The following MUSK variants were observed in gnomAD, a reference collection of about 807,000 sequenced individuals.
The protein encoded by MUSK is muscle associated receptor tyrosine kinase.
MUSK carries 55 observed loss-of-function variants against 88.7 expected under a neutral mutation model. That is an observed-to-expected ratio of 0.62 (90% CI 0.50 to 0.78). The LOEUF (loss-of-function observed/expected upper bound fraction) is 0.78. Ranked by LOEUF, MUSK falls within the 30% of genes least tolerant of loss-of-function variation. The probability of loss-of-function intolerance (pLI) is 0.00; values close to 1 mark genes in which losing one functional copy is unlikely to be tolerated. For missense variants in MUSK, 1,015 were observed against 1,074.3 expected, an observed-to-expected ratio of 0.94 and a Z score of 0.77; for synonymous variants, 387 against 391.9, an observed-to-expected ratio of 0.99 and a Z score of 0.15.
At chr9:110,765,320 G>A (rs1445084532) in intron 8 of MUSK, among the ~76,000 whole-genome samples, 1 of 152,072 alleles carries the variant, frequency 6.6e-6, no homozygotes, top group Non-Finnish European at 1.5e-5. Context: ...CCTTTATGCC[G>A]AGATATTACG....
rs765478098 is a variant in MUSK, at chr9:110,728,671, C to A, written c.629-5580C>A. The A allele has an allele frequency of 3.2e-6, 5 of 1,543,460 alleles. No homozygotes were observed. The South Asian group carries it at 5.6e-5, about 17-fold the overall frequency. The stretch of plus-strand genomic sequence containing the variant: ...TGTTTATTGTGTGTGTTTGTTTTGT[C>A]TTGTTTTTATTAACAGAAGAAAGTG... On this transcript the variant is annotated intron_variant, in intron 5 of 14. Coordinates refer to ENST00000374448, the MANE Select transcript of MUSK (RefSeq NM_005592.4).
intron 1 of MUSK, among the ~76,000 whole-genome samples, chr9:110,676,017 C>G (rs372763439): frequency 6.6e-6 from 1 of 151,892 alleles, no homozygotes; most frequent in East Asian, 1.9e-4. Context: ...TTCATTCATT[C>G]GTTGTTTAGA....
rs144650601 is a variant in MUSK at position 110,687,908 on chromosome 9, C to T, written c.358+640C>T. Among the ~76,000 whole-genome samples, 627 of 152,206 alleles carry T rather than the reference C, an allele frequency of 4.1e-3. 6 individuals are homozygous for T. Among genetic ancestry groups the T allele is most frequent in the African/African-American group, 0.014 (600 of 41,526 alleles). On this transcript the variant is annotated intron_variant, in intron 3 of 14. Transcript: ENST00000374448. The stretch of plus-strand genomic sequence containing the variant: ...TTTACCCTACACCTGTGAAACACAA[C>T]CAAACACACTTTTTATTTCTAACCT...
intron 1 of MUSK, among the ~76,000 whole-genome samples, chr9:110,675,917 C>T (rs1240331738): frequency 6.6e-6 from 1 of 152,008 alleles, no homozygotes; most frequent in Admixed American, 6.6e-5. Flanking sequence ...CCTTTGGGCT[C>T]ATTGTTAACC....
intron 6 of MUSK, among the ~76,000 whole-genome samples, chr9:110,741,719 ATCTG>A (rs1201186494): frequency 6.6e-6 from 1 of 152,160 alleles, no homozygotes; most frequent in Non-Finnish European, 1.5e-5. Context: ...GTTTCATTTT[ATCTG>A]TCTATCCTAC....
intron 5 of MUSK, among the ~76,000 whole-genome samples, chr9:110,724,809 G>C (rs2076861798): frequency 6.6e-6 from 1 of 151,686 alleles, no homozygotes; most frequent in African/African-American, 2.4e-5. Flanking sequence ...ACACCAACTT[G>C]AGTAGTACTC....
At chr9:110,687,613 G>A (rs1184210157) in intron 3 of MUSK, among the ~76,000 whole-genome samples, 1 of 152,102 alleles carries the variant, frequency 6.6e-6, no homozygotes, top group Non-Finnish European at 1.5e-5. Context: ...GGAATTACAG[G>A]CGTGAGCCAC....
At chr9:110,690,430 ATTT>A (rs1169416508) in intron 3 of MUSK, among the ~76,000 whole-genome samples, 44 of 107,636 alleles carry the variant, frequency 4.1e-4, no homozygotes, top group African/African-American at 1.7e-3. Flanking sequence ...ATAAATATAT[ATTT>A]CAATATAAGT....
intron 4 of MUSK, 34 bp downstream of exon 4, chr9:110,695,564 A>G: frequency 7.5e-6 from 11 of 1,469,930 alleles, no homozygotes; most frequent in Non-Finnish European, 8.3e-6. Context: ...ACATATATAA[A>G]ATGTATTTTA....
intron 5 of MUSK, among the ~76,000 whole-genome samples, chr9:110,718,475 G>T (rs1587949099): frequency 6.6e-6 from 1 of 151,838 alleles, no homozygotes; most frequent in African/African-American, 2.4e-5. Flanking sequence ...ACAAGCAGAA[G>T]AAAGAACTTC....
intron 1 of MUSK, among the ~76,000 whole-genome samples, chr9:110,676,118 TTCTA>T (rs1308646959): frequency 9.2e-5 from 14 of 151,968 alleles, no homozygotes; most frequent in Non-Finnish European, 2.1e-4. Context: ...TTCTTTGGCA[TTCTA>T]TCTGCTACAA....
intron 3 of MUSK, among the ~76,000 whole-genome samples, chr9:110,689,938 A>ATATATATTTAAATATAATATATAAT (rs1564218610): frequency 1.1e-5 from 1 of 93,532 alleles, no homozygotes; most frequent in Non-Finnish European, 1.8e-5. Context: ...TAATATATAA[A>ATATATATTTAAATATAATATATAAT]TATATATTTA....
chr9:110,746,793 T>C (rs1248555254), intron 6 of MUSK, among the ~76,000 whole-genome samples: 3 of 152,340 alleles, frequency 2.0e-5, no homozygotes, highest in Admixed American at 6.5e-5. Flanking sequence ...ATGTTTTCGG[T>C]GACCTTGAGG....
At position 110,800,647 on chromosome 9, in the gene MUSK, A is replaced by G. The variant is rs2078078950; in HGVS notation, c.2269A>G (p.Lys757Glu). ...GAACATCTACTCAGCAGACTACTACAAAGCTAATGAAAACGACGCTATCCC... is the reference window on the plus strand; with the variant it reads ...GAACATCTACTCAGCAGACTACTACGAAGCTAATGAAAACGACGCTATCCC... ...SRNIYSADYY[K>E]ANENDAIPIR... Residue 757 changes from lysine (K) to glutamate (E), a missense_variant, in exon 15 of 15, where the codon AAA becomes GAA. Coordinates refer to ENST00000374448, the MANE Select transcript of MUSK (RefSeq NM_005592.4). The G allele has an allele frequency of 6.2e-7, 1 of 1,613,686 alleles. No homozygotes were observed. Among genetic ancestry groups the G allele is most frequent in the South Asian group, 1.1e-5 (1 of 91,090 alleles).
Position 110,800,472 on chromosome 9 carries a change from C to A in MUSK, c.2094C>A (p.Ser698=). 6.2e-7 allele frequency: 1 copy of A among 1,613,984 alleles called. No homozygotes were observed. Among genetic ancestry groups the A allele is most frequent in the Non-Finnish European group, 8.5e-7 (1 of 1,179,886 alleles). The stretch of plus-strand genomic sequence containing the variant: ...CCAGCCCTGGGCCCCCACCCCTCTC[C>A]TGTGCTGAGCAGCTTTGCATTGCCA... ...QVSSPGPPPL[S]CAEQLCIARQ... is the part of the protein sequence containing the mutation. Residue 698 remains serine, a synonymous_variant, in exon 15 of 15, where the codon TCC becomes TCA. Transcript: ENST00000374448.
chr9:110,681,062 TA>T (rs2076114930), intron 1 of MUSK, among the ~76,000 whole-genome samples: 1 of 16,982 alleles, frequency 5.9e-5, no homozygotes, highest in African/African-American at 3.8e-4. Context: ...ATATATTATA[TA>T]TATAATATTA....
intron 1 of MUSK, among the ~76,000 whole-genome samples, chr9:110,679,078 CATTGTTTT>C (rs1408977274): frequency 1.3e-5 from 2 of 151,846 alleles, no homozygotes; most frequent in Non-Finnish European, 2.9e-5. Flanking sequence ...GTAATTGTTT[CATTGTTTT>C]ATAAATGTAC....
At chr9:110,757,731 A>T (rs2077345238) in intron 7 of MUSK, among the ~76,000 whole-genome samples, 1 of 152,114 alleles carries the variant, frequency 6.6e-6, no homozygotes. Flanking sequence ...CATTAAAAAA[A>T]CGAACCTTTT....
intron 3 of MUSK, among the ~76,000 whole-genome samples, chr9:110,690,576 A>AAG (rs1471213628): frequency 8.9e-5 from 5 of 56,380 alleles, no homozygotes; most frequent in African/African-American, 4.5e-4. Context: ...ATATAAATAT[A>AAG]TATATTTAAA....
Sources: gnomAD v4.1 joint callset for allele counts (sites outside exome capture counted in the v4.1 genomes callset) on GRCh38, gnomAD v4.1.1 for gene constraint, MANE v1.5 for transcripts, NCBI Gene and HGNC (gene_info 2026-07-23, HGNC 2026-07-21) for gene names.